RAD18: variants seen among roughly 807,000 people sequenced by gnomAD.
RAD18 encodes the protein RAD18 E3 ubiquitin protein ligase, also known as E3 ubiquitin-protein ligase RAD18.
Under a neutral mutation model 60.4 loss-of-function variants are expected in RAD18, and 47 were observed. The observed-to-expected ratio is 0.78, with a 90% CI of 0.62 to 0.99. The LOEUF (loss-of-function observed/expected upper bound fraction) is 0.99, where lower values mean the gene tolerates loss of function less well. Ranked by LOEUF, RAD18 falls within the 50% of genes least tolerant of loss-of-function variation. The pLI is 0.00. For missense variants in RAD18, 640 were observed against 593.3 expected (o/e 1.08, Z -0.82); for synonymous variants, 225 against 195.5 (o/e 1.15, Z -1.26).
intron 7 of RAD18, chr3:8,931,748 TTAC>T (rs1559786458): frequency 6.6e-6 from 1 of 152,188 alleles, no homozygotes; most frequent in Non-Finnish European, 1.5e-5. Context: ...ATTTTAAGAC[TTAC>T]TATAAAGTTA....
chr3:8,925,869 T>C (rs1365272629), intron 7 of RAD18, among the ~76,000 whole-genome samples: 3 of 152,224 alleles, frequency 2.0e-5, no homozygotes, highest in Non-Finnish European at 2.9e-5. Context: ...CAGCCCTTCA[T>C]GCTAAAAACT....
Position 8,879,221 on chromosome 3 carries a change from C to T in RAD18, c.*2136G>A, listed in dbSNP as rs1939414967. 6.6e-6 allele frequency: 1 copy of T among 152,126 alleles called. No individual in the cohort carries two copies. Among genetic ancestry groups the T allele is most frequent in the Non-Finnish European group, 1.5e-5 (1 of 68,026 alleles). The allele number at this position is 152,126 out of a possible 1,614,324, so 9.4% of individuals were successfully genotyped here. A position where few individuals can be genotyped will look rare whatever the true frequency, so the allele number is the denominator to read the frequency against. ...AAAGCGTGCCCCTTAACCCCTACCA[C>T]TAAATATGTTGGAAGTCTTAACTGC... is the stretch of plus-strand genomic sequence containing the variant. On this transcript the variant is annotated 3_prime_UTR_variant, in exon 13 of 13. Transcript: ENST00000264926.
intron 7 of RAD18, among the ~76,000 whole-genome samples, chr3:8,916,641 A>G (rs984513122): frequency 6.6e-6 from 1 of 152,202 alleles, no homozygotes; most frequent in African/African-American, 2.4e-5. Flanking sequence ...AATTACTTCA[A>G]TGGAAATACT....
chr3:8,883,170 T>C (rs917372007), intron 12 of RAD18, among the ~76,000 whole-genome samples: 1 of 152,174 alleles, frequency 6.6e-6, no homozygotes, highest in African/African-American at 2.4e-5. Flanking sequence ...AACATGTGTA[T>C]AACTGTAATA....
intron 11 of RAD18, among the ~76,000 whole-genome samples, chr3:8,891,075 A>AATATATATATATATATATATATAT (rs71049753): frequency 3.9e-5 from 1 of 25,968 alleles, no homozygotes; most frequent in African/African-American, 7.4e-5. Flanking sequence ...ATATATATAA[A>AATATATATATATATATATATATAT]ATATATATAT....
Position 8,890,447 on chromosome 3 carries a change from T to G in RAD18, c.1327A>C (p.Ser443Arg). ...SSESDSCNSS[S>R]SDIIRDLLEE... ...AAAAGATCTCTTATGATGTCTGAAC[T>G]GGAACTAAAAGGATATGTACATCAG... The change falls in exon 12 of 13, where the codon AGT becomes CGT. Residue 443 changes from serine (S) to arginine (R), a missense_variant. Coordinates refer to ENST00000264926, the MANE Select transcript of RAD18 (RefSeq NM_020165.4). 1 of 1,584,940 alleles carries G rather than the reference T, an allele frequency of 6.3e-7. No individual in the cohort carries two copies.
chr3:8,901,319 C>T (rs903735126), intron 10 of RAD18, among the ~76,000 whole-genome samples: 13 of 152,154 alleles, frequency 8.5e-5, no homozygotes, highest in Admixed American at 3.9e-4. Context: ...AGAAATCGCA[C>T]TCTAAGCTGA....
chr3:8,906,693 T>C (rs1001375522), intron 9 of RAD18, among the ~76,000 whole-genome samples: 6 of 94,842 alleles, frequency 6.3e-5, no homozygotes, highest in African/African-American at 1.4e-4. Flanking sequence ...CCTCGTTTTC[T>C]AGATTTTTTT....
Position 8,958,113 on chromosome 3 carries a change from A to G in RAD18, c.133+807T>C, listed in dbSNP as rs1376554083. The stretch of plus-strand genomic sequence containing the variant: ...AGTAAATTCTCACCCGATTTTCAAG[A>G]GTCAAGCCCAAGGGCATCTGCAATG... On this transcript the variant is annotated intron_variant, in intron 2 of 12. Coordinates refer to ENST00000264926, the MANE Select transcript of RAD18 (RefSeq NM_020165.4). 2.0e-5 allele frequency among the ~76,000 whole-genome samples: 3 copies of G among 152,338 alleles called. No homozygotes were observed. The Middle Eastern group carries it at 0.01, about 518-fold the overall frequency.
chr3:8,881,797 T>C (rs1057204926), intron 12 of RAD18, among the ~76,000 whole-genome samples: 1 of 152,214 alleles, frequency 6.6e-6, no homozygotes, highest in African/African-American at 2.4e-5. Flanking sequence ...AACAAAATCT[T>C]AACTCTGTTT....
intron 12 of RAD18, among the ~76,000 whole-genome samples, chr3:8,884,095 A>T (rs1939516542): frequency 6.6e-6 from 1 of 152,206 alleles, no homozygotes; most frequent in Admixed American, 6.5e-5. Context: ...AAGGGGCTCC[A>T]ACCCCGCTCT....
chr3:8,908,982 A>G (rs1182339528), intron 9 of RAD18, among the ~76,000 whole-genome samples: 1 of 152,224 alleles, frequency 6.6e-6, no homozygotes, highest in Non-Finnish European at 1.5e-5. Flanking sequence ...ACATAGAAAG[A>G]AAATCTTACC....
At chr3:8,935,269 G>A (rs959372871) in intron 7 of RAD18, among the ~76,000 whole-genome samples, 1 of 152,336 alleles carries the variant, frequency 6.6e-6, no homozygotes. Context: ...TCCAATGTAT[G>A]TGTGTGGTTT....
chr3:8,899,699 T>G (rs1298201589), intron 10 of RAD18, among the ~76,000 whole-genome samples: 1 of 152,204 alleles, frequency 6.6e-6, no homozygotes, highest in African/African-American at 2.4e-5. Flanking sequence ...ATGTGGCATA[T>G]GGGTATGGCC....
intron 12 of RAD18, 72 bp from the exon 13 acceptor site, chr3:8,881,531 G>A (rs1003390737): frequency 1.7e-5 from 21 of 1,201,296 alleles, no homozygotes; most frequent in Non-Finnish European, 2.3e-5. Context: ...GTTTACAAGT[G>A]TTTTCACACA....
At chr3:8,919,635 C>T (rs1396388) in intron 7 of RAD18, among the ~76,000 whole-genome samples, 11,179 of 152,234 alleles carry the variant, frequency 0.073, 512 homozygotes, top group South Asian at 0.14. Flanking sequence ...CACATATATG[C>T]ATATATTTCC....
chr3:8,890,787 G>C (rs1939671524), intron 11 of RAD18, among the ~76,000 whole-genome samples: 1 of 152,032 alleles, frequency 6.6e-6, no homozygotes, highest in African/African-American at 2.4e-5. Context: ...CAAGACCCCA[G>C]CTCCTGCTAC....
chr3:8,925,318 G>C (rs1213612332), intron 7 of RAD18, among the ~76,000 whole-genome samples: 2 of 152,100 alleles, frequency 1.3e-5, no homozygotes, highest in African/African-American at 4.8e-5. Flanking sequence ...TAGAAGAAAT[G>C]GATAAATTCC....
intron 9 of RAD18, among the ~76,000 whole-genome samples, chr3:8,908,182 G>A (rs765654121): frequency 2.0e-5 from 3 of 152,150 alleles, no homozygotes; most frequent in African/African-American, 4.8e-5. Flanking sequence ...GATCTGAATT[G>A]AGGTAGACAT....
Sources: gnomAD v4.1 joint callset for allele counts (sites outside exome capture counted in the v4.1 genomes callset) on GRCh38, gnomAD v4.1.1 for gene constraint, MANE v1.5 for transcripts, NCBI Gene and HGNC (gene_info 2026-07-23, HGNC 2026-07-21) for gene names.